PACRG: variants seen among roughly 807,000 people sequenced by gnomAD.
The protein encoded by PACRG is parkin coregulated.
Under a neutral mutation model 29.7 loss-of-function variants are expected in PACRG, and 29 were observed. The observed-to-expected ratio is 0.98, with a 90% confidence interval of 0.73 to 1.33. The LOEUF (loss-of-function observed/expected upper bound fraction) is 1.33. PACRG is among the 40% of genes most tolerant of loss of function. PACRG has a pLI of 0.00. For synonymous variants in PACRG, 116 were observed against 118.7 expected (o/e 0.98, Z 0.15); for missense variants, 279 against 316.2 (o/e 0.88, Z 0.89).
At chr6:162,865,804 T>C (rs1203735248) in intron 2 of PACRG, among the ~76,000 whole-genome samples, 1 of 152,136 alleles carries the variant, frequency 6.6e-6, no homozygotes, top group Non-Finnish European at 1.5e-5. Context: ...TTTTTTCTTT[T>C]TGCTCTACTT....
chr6:162,811,503 A>G (rs1786863351), intron 1 of PACRG, among the ~76,000 whole-genome samples: 1 of 152,182 alleles, frequency 6.6e-6, no homozygotes, highest in Non-Finnish European at 1.5e-5. Context: ...AGAAAACTCC[A>G]TATCAAAAGG....
intron 2 of PACRG, among the ~76,000 whole-genome samples, chr6:162,862,179 A>G (rs945722505): frequency 3.3e-5 from 5 of 152,234 alleles, no homozygotes; most frequent in Non-Finnish European, 7.3e-5. Flanking sequence ...TTCAAGATTT[A>G]GAAGGCAGGA....
intron 1 of PACRG, among the ~76,000 whole-genome samples, chr6:162,781,388 C>G (rs767708675): frequency 3.3e-5 from 5 of 151,750 alleles, no homozygotes; most frequent in African/African-American, 4.8e-5. Flanking sequence ...AGAAGTCCCT[C>G]CAGCAGAAGG....
At chr6:162,943,319 G>A (rs1473799378) in intron 2 of PACRG, among the ~76,000 whole-genome samples, 3 of 152,196 alleles carry the variant, frequency 2.0e-5, no homozygotes, top group South Asian at 4.1e-4. Flanking sequence ...AGCTGCCATC[G>A]CTGCTGGCTG....
At chr6:163,311,008 TG>T (rs1427036055) in intron 4 of PACRG, 2 of 152,214 alleles carry the variant, frequency 1.3e-5, no homozygotes, top group Admixed American at 1.3e-4. Context: ...AAGCATCCCA[TG>T]GGGACAGTTT....
chr6:163,232,245 CTT>C (rs1782073388), intron 4 of PACRG, among the ~76,000 whole-genome samples: 1 of 152,138 alleles, frequency 6.6e-6, no homozygotes, highest in Non-Finnish European at 1.5e-5. Context: ...GCGTCACACT[CTT>C]ATAATAGAGA....
rs368590477 is a variant in PACRG at position 162,912,783 on chromosome 6, G to A, written c.291+98502G>A. ...GATGGGGTTTCACAATGTTGGCCGG[G>A]ATGCTCTTGATCTCCTGACCTCATG... is the stretch of plus-strand genomic sequence containing the variant. On this transcript the variant is annotated intron_variant, in intron 2 of 4. Coordinates refer to ENST00000366888, the MANE Select transcript of PACRG (RefSeq NM_001080379.2). Among the ~76,000 whole-genome samples the A allele has an allele frequency of 2.6e-5, 4 of 151,582 alleles. No homozygotes were observed. The East Asian group carries it at 5.8e-4, about 22-fold the overall frequency.
rs1180705315 is a variant in PACRG at position 162,867,429 on chromosome 6, G to T, written c.291+53148G>T. 2.0e-5 allele frequency among the ~76,000 whole-genome samples: 3 copies of T among 152,080 alleles called. No homozygotes were observed. The South Asian group carries it at 6.2e-4, about 32-fold the overall frequency. The stretch of plus-strand genomic sequence containing the variant: ...CTTGGACATCACTGTGGGAAACACA[G>T]TGGCCTTCATCCCCTGCACCCTGGC... On this transcript the variant is annotated intron_variant, in intron 2 of 4. Transcript: ENST00000366888.
intron 1 of PACRG, among the ~76,000 whole-genome samples, chr6:162,744,891 T>C (rs1006955024): frequency 1.3e-5 from 2 of 152,154 alleles, no homozygotes; most frequent in African/African-American, 4.8e-5. Context: ...CATCAAAATG[T>C]ATTTTTTCGT....
chr6:163,305,086 C>T (rs950100418), intron 4 of PACRG, among the ~76,000 whole-genome samples: 176 of 152,324 alleles, frequency 1.2e-3, no homozygotes, highest in African/African-American at 4.1e-3. Flanking sequence ...TTTCATCTTC[C>T]GAGCCCACAC....
At chr6:163,149,155 G>A (rs113498323) in intron 4 of PACRG, among the ~76,000 whole-genome samples, 18 of 151,594 alleles carry the variant, frequency 1.2e-4, no homozygotes, top group African/African-American at 4.4e-4. Flanking sequence ...CCCGCAGACC[G>A]AACCCTCGCT....
intron 4 of PACRG, among the ~76,000 whole-genome samples, chr6:163,123,231 A>AT (rs1816373937): frequency 6.6e-6 from 1 of 152,190 alleles, no homozygotes; most frequent in Non-Finnish European, 1.5e-5. Flanking sequence ...CTCCCACCCT[A>AT]GCCTTTTAAT....
At chr6:163,238,437 C>T (rs1400341080) in intron 4 of PACRG, among the ~76,000 whole-genome samples, 3 of 152,138 alleles carry the variant, frequency 2.0e-5, no homozygotes, top group Admixed American at 1.3e-4. Context: ...ATAACAGTAT[C>T]ATACTTGGGA....
At chr6:163,210,152 G>C (rs932469612) in intron 4 of PACRG, among the ~76,000 whole-genome samples, 2 of 152,154 alleles carry the variant, frequency 1.3e-5, no homozygotes, top group African/African-American at 4.8e-5. Flanking sequence ...AGAGCAGTCA[G>C]GTGAGTACAC....
chr6:162,789,708 G>T (rs1784786867), intron 1 of PACRG, among the ~76,000 whole-genome samples: 1 of 152,068 alleles, frequency 6.6e-6, no homozygotes. Flanking sequence ...TATTGATTTA[G>T]ACTGTTTTCA....
At chr6:163,006,533 A>G (rs1291044804) in intron 2 of PACRG, among the ~76,000 whole-genome samples, 1 of 151,798 alleles carries the variant, frequency 6.6e-6, no homozygotes, top group Non-Finnish European at 1.5e-5. Context: ...TATTGAGAGA[A>G]TGGCATTGAA....
intron 4 of PACRG, among the ~76,000 whole-genome samples, chr6:163,259,638 C>A (rs1431217226): frequency 6.6e-6 from 1 of 152,142 alleles, no homozygotes; most frequent in Non-Finnish European, 1.5e-5. Context: ...TCACTTTGGA[C>A]CTCAGGAGGA....
At chr6:163,308,290 T>C (rs181796420) in intron 4 of PACRG, among the ~76,000 whole-genome samples, 158 of 152,360 alleles carry the variant, frequency 1.0e-3, no homozygotes, top group African/African-American at 3.6e-3. Context: ...ACATTTCTGC[T>C]TAAAAAACAA....
intron 1 of PACRG, among the ~76,000 whole-genome samples, chr6:162,766,250 A>T (rs771757541): frequency 6.6e-6 from 1 of 151,666 alleles, no homozygotes; most frequent in Non-Finnish European, 1.5e-5. Flanking sequence ...CCACCATTCT[A>T]CTCTCTAGTT....
Sources: allele counts gnomAD v4.1 joint callset (sites outside exome capture counted in the v4.1 genomes callset), GRCh38; gene constraint gnomAD v4.1.1; transcripts MANE v1.5; gene names NCBI Gene and HGNC (gene_info 2026-07-23, HGNC 2026-07-21).